RNF152: variants seen among roughly 807,000 people sequenced by gnomAD.
RNF152 encodes E3 ubiquitin-protein ligase RNF152.
A neutral mutation model predicts 12.7 loss-of-function variants in RNF152; 11 were observed. The observed-to-expected ratio is 0.86, with a 90% CI of 0.54 to 1.43. The LOEUF (loss-of-function observed/expected upper bound fraction) is 1.43, where lower values mean the gene tolerates loss of function less well. RNF152 is among the 40% of genes most tolerant of loss of function. The probability of loss-of-function intolerance (pLI) is 0.00; values close to 1 mark genes in which losing one functional copy is unlikely to be tolerated. For missense variants in RNF152, 255 were observed against 274.8 expected (o/e 0.93, Z 0.51); for synonymous variants, 113 against 120.3 (o/e 0.94, Z 0.40).
At chr18:61,819,331 C>T (rs8099253) in intron 1 of RNF152, among the ~76,000 whole-genome samples, 40,840 of 152,128 alleles carry the variant, frequency 0.27, 6,253 homozygotes, top group Non-Finnish European at 0.35. Context: ...TGGGCAGCCC[C>T]CAGTGCCAGG....
At chr18:61,828,334 C>G (rs1909768024) in intron 1 of RNF152, among the ~76,000 whole-genome samples, 1 of 152,200 alleles carries the variant, frequency 6.6e-6, no homozygotes, top group African/African-American at 2.4e-5. Context: ...TCATTGCATC[C>G]TTGAACTCCT....
At chr18:61,829,764 C>T (rs76427746) in intron 1 of RNF152, among the ~76,000 whole-genome samples, 14,743 of 151,830 alleles carry the variant, frequency 0.097, 709 homozygotes, top group Middle Eastern at 0.12. Context: ...TAGCTGGAAG[C>T]GGAAGTTCTT....
At chr18:61,843,988 A>C (rs1475457974) in intron 1 of RNF152, among the ~76,000 whole-genome samples, 1 of 151,638 alleles carries the variant, frequency 6.6e-6, no homozygotes, top group Non-Finnish European at 1.5e-5. Flanking sequence ...AGTAAAAATA[A>C]ATAAATAATA....
chr18:61,808,771 T>C lies in RNF152; in HGVS notation c.*7081A>G, dbSNP rs926824851. Reference sequence around the variant, plus strand: ...ACTGACATACTCAAGTCAGGATAGATCCACAGGAACAGGCCTTGCATTCCA... The same window carrying C: ...ACTGACATACTCAAGTCAGGATAGACCCACAGGAACAGGCCTTGCATTCCA... On this transcript the variant is annotated 3_prime_UTR_variant, in exon 2 of 2. Coordinates refer to ENST00000312828, the MANE Select transcript of RNF152 (RefSeq NM_173557.3). The C allele has an allele frequency of 6.6e-6, 1 of 152,226 alleles. No homozygotes were observed. The highest frequency in any genetic ancestry group is 2.4e-5 in the African/African-American group (1 of 41,446). The allele number at this position is 152,226 out of a possible 1,614,324, so 9.4% of individuals were successfully genotyped here. A position where few individuals can be genotyped will look rare whatever the true frequency, so the allele number is the denominator to read the frequency against.
At chr18:61,889,131 A>G (rs902182028) in intron 1 of RNF152, among the ~76,000 whole-genome samples, 5 of 152,110 alleles carry the variant, frequency 3.3e-5, no homozygotes, top group Non-Finnish European at 7.4e-5. Context: ...TCATCTCCCA[A>G]TTCAGAAACG....
chr18:61,851,610 A>C (rs1409500997), intron 1 of RNF152, among the ~76,000 whole-genome samples: 1 of 152,216 alleles, frequency 6.6e-6, no homozygotes, highest in African/African-American at 2.4e-5. Flanking sequence ...CCCACACAGT[A>C]AGTTTCAGAG....
At chr18:61,821,520 G>A (rs1316890421) in intron 1 of RNF152, among the ~76,000 whole-genome samples, 3 of 152,186 alleles carry the variant, frequency 2.0e-5, no homozygotes. Context: ...GTCTAAAGAT[G>A]TGCATCAACT....
rs145631289 is a variant in RNF152, at chr18:61,824,772, G to C, written c.-135-8174C>G. Among the ~76,000 whole-genome samples the C allele has an allele frequency of 6.6e-5, 10 of 152,336 alleles. No homozygotes were observed. The East Asian group carries it at 1.9e-3, about 29-fold the overall frequency. On this transcript the variant is annotated intron_variant, in intron 1 of 1. Transcript: ENST00000312828. ...TTTTCTGGCTTGTGCAGGAAGCCAAGGTTAGCGCTGGCATTCATCAAACAC... is the reference window on the plus strand; with the variant it reads ...TTTTCTGGCTTGTGCAGGAAGCCAACGTTAGCGCTGGCATTCATCAAACAC...
chr18:61,883,378 CTCT>C (rs1194739954), intron 1 of RNF152, among the ~76,000 whole-genome samples: 3 of 152,070 alleles, frequency 2.0e-5, no homozygotes, highest in Non-Finnish European at 2.9e-5. Context: ...TTAAACAGTT[CTCT>C]TCTTTTTAAT....
At chr18:61,875,877 G>A (rs1378862549) in intron 1 of RNF152, among the ~76,000 whole-genome samples, 2 of 151,048 alleles carry the variant, frequency 1.3e-5, no homozygotes, top group East Asian at 1.9e-4. Flanking sequence ...CCCCACCTTC[G>A]TCCCTTCCTG....
chr18:61,851,675 C>T (rs913143428), intron 1 of RNF152, among the ~76,000 whole-genome samples: 32 of 152,266 alleles, frequency 2.1e-4, no homozygotes, highest in African/African-American at 7.7e-4. Flanking sequence ...CCAAATTCAC[C>T]CAGGGCAATC....
At chr18:61,846,374 C>G (rs930452494) in intron 1 of RNF152, among the ~76,000 whole-genome samples, 9 of 152,156 alleles carry the variant, frequency 5.9e-5, no homozygotes, top group African/African-American at 2.2e-4. Flanking sequence ...TCTCATCTCC[C>G]TCTACCCACT....
At chr18:61,821,544 T>C (rs1217947740) in intron 1 of RNF152, among the ~76,000 whole-genome samples, 2 of 152,220 alleles carry the variant, frequency 1.3e-5, no homozygotes, top group African/African-American at 4.8e-5. Flanking sequence ...GAAGAAAGAA[T>C]GGAAACAAAG....
chr18:61,882,893 A>G (rs1467578072), intron 1 of RNF152, among the ~76,000 whole-genome samples: 3 of 152,202 alleles, frequency 2.0e-5, no homozygotes, highest in East Asian at 3.9e-4. Context: ...ACCATCATGC[A>G]TACAACATAG....
chr18:61,828,475 A>G (rs188125811), intron 1 of RNF152, among the ~76,000 whole-genome samples: 1 of 152,246 alleles, frequency 6.6e-6, no homozygotes, highest in Admixed American at 6.5e-5. Context: ...CCCAGGCTGA[A>G]GTGCAGTGAC....
At position 61,816,112 on chromosome 18, in the gene RNF152, C is replaced by A. The variant is rs1340826208; in HGVS notation, c.352G>T (p.Gly118Cys). The A allele has an allele frequency of 3.1e-6, 5 of 1,614,036 alleles. No homozygotes were observed. The highest frequency in any genetic ancestry group is 1.7e-5 in the Admixed American group (1 of 60,010). ...TGGCTCCCGGGCAGCAGGCGGCAGCCCATGTCTCCGGGCAGCAGCGCACGC... is the reference window on the plus strand; with the variant it reads ...TGGCTCCCGGGCAGCAGGCGGCAGCACATGTCTCCGGGCAGCAGCGCACGC... ...KERALLPGDM[G>C]CRLLPGSQQK... The change falls in exon 2 of 2, where the codon GGC (glycine) becomes TGC (cysteine). Residue 118 changes from glycine to cysteine, a missense_variant. Coordinates refer to ENST00000312828, the MANE Select transcript of RNF152 (RefSeq NM_173557.3).
rs564690610 is a variant in RNF152, at chr18:61,815,685, G to A, written c.*167C>T. Reference sequence around the variant, plus strand: ...ATTCACCTGGTATCTTGTTGAGACCGCACCTTCTGCCCTTTGTGTCTGTCT... The same window carrying A: ...ATTCACCTGGTATCTTGTTGAGACCACACCTTCTGCCCTTTGTGTCTGTCT... On this transcript the variant is annotated 3_prime_UTR_variant, in exon 2 of 2. Transcript: ENST00000312828. The A allele has an allele frequency of 4.1e-5, 27 of 661,036 alleles. No homozygotes were observed. The highest frequency in any genetic ancestry group is 2.2e-4 in the African/African-American group (12 of 55,158). 40.9% of individuals were successfully genotyped at this position (661,036 alleles called of 1,614,324 possible).
In RNF152 at chr18:61,813,289, C is replaced by G. The variant is rs1332339268; in HGVS notation, c.*2563G>C. ...TCTCTCTCTCTCTCTCACACACACACACACACACACACACACACACACACA... is the reference window on the plus strand; with the variant it reads ...TCTCTCTCTCTCTCTCACACACACAGACACACACACACACACACACACACA... On this transcript the variant is annotated 3_prime_UTR_variant, in exon 2 of 2. Coordinates refer to ENST00000312828, the MANE Select transcript of RNF152 (RefSeq NM_173557.3). 5 of 124,666 alleles carry G rather than the reference C, an allele frequency of 4.0e-5. No individual in the cohort carries two copies. Among genetic ancestry groups the G allele is most frequent in the African/African-American group, 1.4e-4 (5 of 36,844 alleles). The allele number at this position is 124,666 out of a possible 1,614,324, so 7.7% of individuals were successfully genotyped here. A position where few individuals can be genotyped will look rare whatever the true frequency, so the allele number is the denominator to read the frequency against.
chr18:61,864,605 CCTT>C (rs1406517549), intron 1 of RNF152, among the ~76,000 whole-genome samples: 1 of 152,208 alleles, frequency 6.6e-6, no homozygotes, highest in East Asian at 1.9e-4. Context: ...CCTCTTTCGC[CCTT>C]CTTCCCTACC....
Sources: gnomAD v4.1 joint callset for allele counts (sites outside exome capture counted in the v4.1 genomes callset) on GRCh38, gnomAD v4.1.1 for gene constraint, MANE v1.5 for transcripts, NCBI Gene and HGNC (gene_info 2026-07-23, HGNC 2026-07-21) for gene names.